TMEM132B: variants seen among roughly 807,000 people sequenced by gnomAD.
The protein encoded by TMEM132B is transmembrane protein 132B.
TMEM132B carries 18 observed loss-of-function variants against 90.8 expected under a neutral mutation model. The ratio of observed to expected loss-of-function variants is 0.20; its 90% confidence interval spans 0.14 to 0.29. The LOEUF (loss-of-function observed/expected upper bound fraction) is 0.29, where lower values mean the gene tolerates loss of function less well. Among genes scored for constraint, TMEM132B ranks in the 10% least tolerant of loss-of-function variants. The pLI is 1.00. For missense variants in TMEM132B, 1,096 were observed against 1,326.8 expected, an observed-to-expected ratio of 0.83 and a Z score of 2.70; for synonymous variants, 504 against 523.3, an observed-to-expected ratio of 0.96 and a Z score of 0.50.
chr12:125,631,850 C>T lies in TMEM132B; in HGVS notation c.1438-12226C>T, dbSNP rs962026913. Among the ~76,000 whole-genome samples the T allele has an allele frequency of 4.6e-4, 70 of 151,928 alleles. 1 individual carries two copies. Among genetic ancestry groups the T allele is most frequent in the African/African-American group, 1.7e-3 (69 of 41,386 alleles). Reference sequence around the variant, plus strand: ...TTGGCATGGAATATCTTTTTCCATCCGTTTATTTTCAGTCTATATGTGTCT... The same window carrying T: ...TTGGCATGGAATATCTTTTTCCATCTGTTTATTTTCAGTCTATATGTGTCT... On this transcript the variant is annotated intron_variant, in intron 5 of 8. Transcript: ENST00000682704.
chr12:125,624,959 C>T (rs1015471476), intron 5 of TMEM132B, among the ~76,000 whole-genome samples: 25 of 152,002 alleles, frequency 1.6e-4, no homozygotes, highest in African/African-American at 5.8e-4. Context: ...CACAGTAACC[C>T]GAAGAACAGT....
intron 1 of TMEM132B, among the ~76,000 whole-genome samples, chr12:125,283,777 G>A (rs1226264459): frequency 2.0e-5 from 3 of 152,270 alleles, no homozygotes; most frequent in African/African-American, 7.2e-5. Flanking sequence ...AAGGAGTCAA[G>A]TGAGACTGTT....
intron 4 of TMEM132B, among the ~76,000 whole-genome samples, chr12:125,575,277 A>G (rs1884916351): frequency 6.6e-6 from 1 of 151,124 alleles, no homozygotes; most frequent in South Asian, 2.1e-4. Flanking sequence ...GTCAGTGTGA[A>G]GTGGTATCTC....
In TMEM132B at chr12:125,552,498, G is replaced by A. The variant is rs73416313; in HGVS notation, c.1294-31353G>A. On this transcript the variant is annotated intron_variant, in intron 4 of 8. Coordinates refer to ENST00000682704, the MANE Select transcript of TMEM132B (RefSeq NM_001366854.1). ...GGAGCTGTCATCTAGACAAAGCAGA[G>A]TCCCCAGTCCCCAGAGAGTCACTGT... 4.1e-3 allele frequency among the ~76,000 whole-genome samples: 626 copies of A among 152,280 alleles called. 5 individuals are homozygous for A. Among genetic ancestry groups the A allele is most frequent in the African/African-American group, 0.014 (585 of 41,550 alleles).
chr12:125,209,599 G>A lies in TMEM132B; in HGVS notation c.67+22733G>A, dbSNP rs946164636. ...CACGCTTGGGAGCATGGAGACACTCGTTCCTTGTCTCTCCAACCCACCGGC... is the reference window on the plus strand; with the variant it reads ...CACGCTTGGGAGCATGGAGACACTCATTCCTTGTCTCTCCAACCCACCGGC... On this transcript the variant is annotated intron_variant, in intron 1 of 8. Transcript: ENST00000682704. The surrounding 1 kb of genome is among the most constrained non-coding windows in gnomAD (Gnocchi z 4.4). Among the ~76,000 whole-genome samples the A allele has an allele frequency of 1.3e-5, 2 of 152,174 alleles. No homozygotes were observed. Among genetic ancestry groups the A allele is most frequent in the East Asian group, 1.9e-4 (1 of 5,192 alleles).
At chr12:125,267,386 C>T (rs1874720798) in intron 1 of TMEM132B, among the ~76,000 whole-genome samples, 1 of 152,088 alleles carries the variant, frequency 6.6e-6, no homozygotes, top group African/African-American at 2.4e-5. Context: ...TGGCTCATGT[C>T]CCAAAGTCTG....
At chr12:125,357,241 C>A (rs1052244091) in intron 2 of TMEM132B, among the ~76,000 whole-genome samples, 3 of 152,216 alleles carry the variant, frequency 2.0e-5, no homozygotes, top group African/African-American at 7.2e-5. Context: ...GGATGCAATT[C>A]TGGCAAAAGT....
At chr12:125,427,960 G>A (rs890366032) in intron 3 of TMEM132B, among the ~76,000 whole-genome samples, 1 of 151,550 alleles carries the variant, frequency 6.6e-6, no homozygotes. Flanking sequence ...AGAAACAAAC[G>A]AAGGGTAACT....
chr12:125,640,113 C>T (rs1195370675), intron 5 of TMEM132B, among the ~76,000 whole-genome samples: 1 of 152,104 alleles, frequency 6.6e-6, no homozygotes, highest in East Asian at 1.9e-4. Flanking sequence ...GAGGAGGAGG[C>T]GCCACTTTCG....
intron 3 of TMEM132B, among the ~76,000 whole-genome samples, chr12:125,477,022 C>T (rs1881900465): frequency 6.6e-6 from 1 of 152,148 alleles, no homozygotes; most frequent in Non-Finnish European, 1.5e-5. Flanking sequence ...ATATGGAGTG[C>T]TGAGTATACC....
intron 2 of TMEM132B, among the ~76,000 whole-genome samples, chr12:125,362,070 T>C (rs1430127051): frequency 1.3e-5 from 2 of 152,198 alleles, no homozygotes; most frequent in African/African-American, 2.4e-5. Flanking sequence ...GTTTTACAGA[T>C]GAAGAAACAG....
chr12:125,304,834 C>T (rs1875919572), intron 1 of TMEM132B, among the ~76,000 whole-genome samples: 1 of 151,874 alleles, frequency 6.6e-6, no homozygotes, highest in Non-Finnish European at 1.5e-5. Context: ...ATAGTGAGAC[C>T]CCATTTCTAA....
chr12:125,200,268 A>G (rs1482490886), intron 1 of TMEM132B, among the ~76,000 whole-genome samples: 1 of 152,242 alleles, frequency 6.6e-6, no homozygotes, highest in Non-Finnish European at 1.5e-5. Flanking sequence ...TGGTTTTAGA[A>G]GTATTATAGA....
chr12:125,472,203 T>A (rs1351787999), intron 3 of TMEM132B, among the ~76,000 whole-genome samples: 1 of 152,124 alleles, frequency 6.6e-6, no homozygotes, highest in Non-Finnish European at 1.5e-5. Context: ...AGAAACTCCA[T>A]GGTTTATATT....
chr12:125,495,915 TA>T (rs1882549401), intron 3 of TMEM132B, among the ~76,000 whole-genome samples: 2 of 152,348 alleles, frequency 1.3e-5, no homozygotes, highest in African/African-American at 4.8e-5. Flanking sequence ...AAGATCCTTT[TA>T]AAAAATTCAG....
chr12:125,291,951 T>C (rs541980687), intron 1 of TMEM132B, among the ~76,000 whole-genome samples: 66 of 152,372 alleles, frequency 4.3e-4, no homozygotes, highest in Non-Finnish European at 8.4e-4. Context: ...TTGCTAAGTT[T>C]GTGGTAATCC....
chr12:125,307,174 A>G (rs1267836266), intron 1 of TMEM132B, among the ~76,000 whole-genome samples: 1 of 152,146 alleles, frequency 6.6e-6, no homozygotes, highest in East Asian at 1.9e-4. Flanking sequence ...GCTGTCTAGA[A>G]TCCTATGCAT....
chr12:125,509,135 A>G (rs369801875), intron 3 of TMEM132B, among the ~76,000 whole-genome samples: 1 of 152,158 alleles, frequency 6.6e-6, no homozygotes, highest in South Asian at 2.1e-4. Context: ...CCCCCTGTGG[A>G]TATATAACAG....
intron 1 of TMEM132B, among the ~76,000 whole-genome samples, chr12:125,287,375 G>A (rs932678766): frequency 2.0e-5 from 3 of 152,128 alleles, no homozygotes; most frequent in East Asian, 3.9e-4. Context: ...GAATTGGGAC[G>A]TGGGCATCTT....
Sources: allele counts gnomAD v4.1 joint callset (sites outside exome capture counted in the v4.1 genomes callset), GRCh38; gene constraint gnomAD v4.1.1; non-coding constraint Gnocchi (gnomAD v3.1); transcripts MANE v1.5; gene names NCBI Gene and HGNC (gene_info 2026-07-23, HGNC 2026-07-21).